PSME4: variants seen among roughly 807,000 people sequenced by gnomAD.
PSME4 encodes the protein proteasome activator subunit 4.
Under a neutral mutation model 253.9 loss-of-function variants are expected in PSME4, and 89 were observed. The observed-to-expected ratio is 0.35, with a 90% CI of 0.30 to 0.42. The LOEUF (loss-of-function observed/expected upper bound fraction) is 0.42, where lower values mean the gene tolerates loss of function less well. Among genes scored for constraint, PSME4 ranks in the 10% least tolerant of loss-of-function variants. The pLI is 1.00. For missense variants in PSME4, 2,014 were observed against 2,195.2 expected (o/e 0.92, Z 1.65); for synonymous variants, 851 against 759.2 (o/e 1.12, Z -1.99).
chr2:53,963,848 C>T (rs1670599396), intron 1 of PSME4, among the ~76,000 whole-genome samples: 1 of 151,600 alleles, frequency 6.6e-6, no homozygotes, highest in Admixed American at 6.6e-5. Context: ...TTAAAAAATT[C>T]CTTTTCCTTT....
intron 3 of PSME4, among the ~76,000 whole-genome samples, chr2:53,948,116 A>G (rs1374132568): frequency 6.6e-6 from 1 of 152,228 alleles, no homozygotes; most frequent in Admixed American, 6.5e-5. Context: ...GTATGAAATC[A>G]CTATTAACCA....
chr2:53,953,487 TAAAA>T (rs67192995), intron 1 of PSME4, among the ~76,000 whole-genome samples: 5 of 123,002 alleles, frequency 4.1e-5, no homozygotes, highest in Non-Finnish European at 6.7e-5. Flanking sequence ...CCATGTCTAT[TAAAA>T]AAAAAAAAAA....
intron 41 of PSME4, among the ~76,000 whole-genome samples, chr2:53,883,533 T>G (rs1362697692): frequency 6.6e-6 from 1 of 152,126 alleles, no homozygotes; most frequent in Non-Finnish European, 1.5e-5. Context: ...CATTCGCTGG[T>G]CTCTCCTCTG....
At position 53,970,707 on chromosome 2, in the gene PSME4, G is replaced by C. The variant is rs1377869674; in HGVS notation, c.78C>G (p.Phe26Leu). 7.7e-6 allele frequency: 12 copies of C among 1,548,774 alleles called. No homozygotes were observed. The highest frequency in any genetic ancestry group is 3.9e-5 in the Admixed American group (2 of 50,942). The change falls in exon 1 of 47, where the codon TTC becomes TTG. Residue 26 changes from phenylalanine (F) to leucine (L), a missense_variant. Around this residue, in one of 4 missense-constraint regions of PSME4, gnomAD observed 615 missense variants for 594.4 expected, o/e 1.03. Coordinates refer to ENST00000404125, the MANE Select transcript of PSME4 (RefSeq NM_014614.3). ...GGRPEPGPRG[F>L]VPQKEIVYNK... Reference sequence around the variant, plus strand: ...TGTAGACGATCTCCTTCTGCGGGACGAAGCCCCGCGGGCCCGGCTCGGGAC... The same window carrying C: ...TGTAGACGATCTCCTTCTGCGGGACCAAGCCCCGCGGGCCCGGCTCGGGAC...
intron 41 of PSME4, among the ~76,000 whole-genome samples, chr2:53,878,337 T>G (rs1371707156): frequency 6.6e-6 from 1 of 152,240 alleles, no homozygotes; most frequent in Admixed American, 6.5e-5. Context: ...TCCCATCATC[T>G]TCATAAGCTG....
In PSME4 at chr2:53,875,767, T is replaced by A; in HGVS notation, c.4816-12A>T. 1 of 1,607,384 alleles carries A rather than the reference T, an allele frequency of 6.2e-7. No homozygotes were observed. Among genetic ancestry groups the A allele is most frequent in the South Asian group, 1.1e-5 (1 of 89,796 alleles). The stretch of plus-strand genomic sequence containing the variant: ...TCCACTGGGGCAATCTAAAAAACAA[T>A]GTAAAAAGGACAAAAATGGAAAAAT... On this transcript the variant is annotated splice_polypyrimidine_tract_variant and intron_variant, in intron 41 of 46. Coordinates refer to ENST00000404125, the MANE Select transcript of PSME4 (RefSeq NM_014614.3).
At chr2:53,875,805 G>C (rs1383070998) in intron 41 of PSME4, 50 bp from the exon 42 acceptor site, 4 of 1,540,952 alleles carry the variant, frequency 2.6e-6, no homozygotes, top group South Asian at 2.4e-5. Context: ...TTGCCAATAA[G>C]TACAAAGGCA....
intron 39 of PSME4, 89 bp downstream of exon 39, chr2:53,887,769 C>T: frequency 4.3e-6 from 6 of 1,400,160 alleles, no homozygotes; most frequent in Non-Finnish European, 4.8e-6. Flanking sequence ...CCACTGACAA[C>T]ATAACCAGCA....
In PSME4 at chr2:53,908,493, T is replaced by C. The variant is rs539734473; in HGVS notation, c.2685+17A>G. ...GATCGTATTAATCATTATGCAACTA[T>C]CAAATGACAAATGTACCTTTATAAT... On this transcript the variant is annotated intron_variant, in intron 23 of 46. Transcript: ENST00000404125. 6 of 1,609,690 alleles carry C rather than the reference T, an allele frequency of 3.7e-6. No individual in the cohort carries two copies. The highest frequency in any genetic ancestry group is 2.2e-5 in the South Asian group (2 of 89,942).
intron 1 of PSME4, among the ~76,000 whole-genome samples, chr2:53,969,200 C>A (rs1012202011): frequency 6.6e-6 from 1 of 152,242 alleles, no homozygotes; most frequent in South Asian, 2.1e-4. Context: ...TTCTGCCGCC[C>A]CTCACCTCCA....
At chr2:53,885,448 G>T (rs2104421808) in intron 41 of PSME4, among the ~76,000 whole-genome samples, 1 of 152,252 alleles carries the variant, frequency 6.6e-6, no homozygotes, top group Non-Finnish European at 1.5e-5. Context: ...TAGCTACCAG[G>T]TAAAACAATA....
intron 28 of PSME4, among the ~76,000 whole-genome samples, chr2:53,900,371 G>A (rs1280820424): frequency 2.0e-5 from 3 of 150,030 alleles, no homozygotes; most frequent in South Asian, 2.1e-4. Flanking sequence ...CCAGCCCGGG[G>A]AACACAGCAA....
At chr2:53,962,673 T>C (rs1276888116) in intron 1 of PSME4, among the ~76,000 whole-genome samples, 1 of 152,152 alleles carries the variant, frequency 6.6e-6, no homozygotes, top group Non-Finnish European at 1.5e-5. Context: ...TTTGATGAAG[T>C]TACCACCTGG....
Position 53,943,217 on chromosome 2 carries a change from C to A in PSME4, c.501-3217G>T, listed in dbSNP as rs527949818. Among the ~76,000 whole-genome samples, 6 of 152,346 alleles carry A rather than the reference C, an allele frequency of 3.9e-5. No individual in the cohort carries two copies. In the East Asian group the frequency reaches 7.7e-4, roughly 20 times the overall value. ...CAGTTCTTGAACTAAAATTTAACTT[C>A]AGAATAATATTTGCTTTTTCATAAA... is the stretch of plus-strand genomic sequence containing the variant. On this transcript the variant is annotated intron_variant, in intron 3 of 46. Transcript: ENST00000404125.
Position 53,874,372 on chromosome 2 carries a change from C to A in PSME4, c.5067G>T (p.Leu1689=), listed in dbSNP as rs1443597689. 6 of 1,613,702 alleles carry A rather than the reference C, an allele frequency of 3.7e-6. No individual in the cohort carries two copies. In the Middle Eastern group the frequency reaches 4.9e-4, roughly 133 times the overall value. Residue 1689 remains leucine (L), a synonymous_variant, in exon 43 of 47, where the codon CTG becomes CTT. Transcript: ENST00000404125. ...NEDAVKDIRW[L]VISLLEDEQL... The stretch of plus-strand genomic sequence containing the variant: ...GTTCGTCCTCCAAAAGACTTATAAC[C>A]AGCCACCTGATATCTTTAACTGCAT...
chr2:53,886,408 G>A (rs914556020), intron 40 of PSME4, among the ~76,000 whole-genome samples: 16 of 152,196 alleles, frequency 1.1e-4, no homozygotes, highest in Non-Finnish European at 2.2e-4. Flanking sequence ...TGAATGACAT[G>A]AGTAGATATT....
At chr2:53,891,841 G>C (rs1436004170) in intron 36 of PSME4, among the ~76,000 whole-genome samples, 1 of 140,216 alleles carries the variant, frequency 7.1e-6, no homozygotes, top group East Asian at 2.2e-4. Context: ...GCGATAGGGC[G>C]ATAGAGTAAG....
rs1490912314 is a variant in PSME4, at chr2:53,906,586, G to T, written c.2943+12C>A. On this transcript the variant is annotated intron_variant, in intron 26 of 46. Coordinates refer to ENST00000404125, the MANE Select transcript of PSME4 (RefSeq NM_014614.3). ...GGAGGGCATGAGAGTGCAGCGTTTG[G>T]ATAAGCCTTACCTGACTGTATGAAC... The T allele has an allele frequency of 6.5e-7, 1 of 1,542,650 alleles. No individual in the cohort carries two copies. Among genetic ancestry groups the T allele is most frequent in the Non-Finnish European group, 8.7e-7 (1 of 1,147,946 alleles).
At chr2:53,925,253 G>A (rs1022784243) in intron 14 of PSME4, among the ~76,000 whole-genome samples, 4 of 152,172 alleles carry the variant, frequency 2.6e-5, no homozygotes, top group Middle Eastern at 3.2e-3. Flanking sequence ...AGAGTGCCTC[G>A]TTTGCTCTCA....
Sources: gnomAD v4.1 joint callset for allele counts (sites outside exome capture counted in the v4.1 genomes callset) on GRCh38, gnomAD v4.1.1 for gene constraint, gnomAD v4.1.1 regional missense constraint, MANE v1.5 for transcripts, NCBI Gene and HGNC (gene_info 2026-07-23, HGNC 2026-07-21) for gene names.